Variants in KATNIP observed in about 807,000 individuals in gnomAD.
KATNIP encodes the protein katanin-interacting protein.
KATNIP carries 126 observed loss-of-function variants against 174.0 expected under a neutral mutation model. The ratio of observed to expected loss-of-function variants is 0.72; its 90% CI spans 0.63 to 0.84. The LOEUF is 0.84. Among genes scored for constraint, KATNIP ranks in the 40% least tolerant of loss-of-function variants. The pLI is 0.00. For synonymous variants in KATNIP, 810 were observed against 835.7 expected (o/e 0.97, Z 0.53); for missense variants, 1,958 against 2,109.7 (o/e 0.93, Z 1.41).
At chr16:27,590,425 G>A (rs902329435) in intron 2 of KATNIP, among the ~76,000 whole-genome samples, 2 of 150,862 alleles carry the variant, frequency 1.3e-5, no homozygotes, top group Admixed American at 6.6e-5. Context: ...TTCCTGCCTC[G>A]GCCTCCCAAG....
At chr16:27,677,632 G>T in intron 6 of KATNIP, 97 bp from the exon 7 acceptor site, 1 of 1,230,692 alleles carries the variant, frequency 8.1e-7, no homozygotes. Flanking sequence ...ATGTTAGTTT[G>T]GGGAGAATAA....
At chr16:27,698,916 C>A (rs2079005933) in intron 9 of KATNIP, among the ~76,000 whole-genome samples, 1 of 152,210 alleles carries the variant, frequency 6.6e-6, no homozygotes, top group African/African-American at 2.4e-5. Context: ...ATTGTCCTGC[C>A]CCTGGCCCAC....
At chr16:27,757,409 C>A in intron 18 of KATNIP, 1 of 759,130 alleles carries the variant, frequency 1.3e-6, no homozygotes, top group Non-Finnish European at 1.6e-6. Flanking sequence ...CAGAGCGGGT[C>A]AGAGTGTGGT....
intron 2 of KATNIP, among the ~76,000 whole-genome samples, chr16:27,615,179 A>G (rs897033046): frequency 2.8e-4 from 42 of 152,132 alleles, no homozygotes; most frequent in African/African-American, 1.0e-3. Flanking sequence ...CCCAGGCTGC[A>G]GTGCAGTGGT....
At chr16:27,752,307 TA>T (rs1201435176) in intron 17 of KATNIP, among the ~76,000 whole-genome samples, 3 of 152,266 alleles carry the variant, frequency 2.0e-5, no homozygotes, top group East Asian at 1.9e-4. Flanking sequence ...GAGTTACAGT[TA>T]AAATAATGAT....
intron 14 of KATNIP, among the ~76,000 whole-genome samples, chr16:27,732,184 T>A (rs2080719548): frequency 6.6e-6 from 1 of 152,180 alleles, no homozygotes; most frequent in Non-Finnish European, 1.5e-5. Flanking sequence ...TCAGATCCCA[T>A]CCACGTTTGT....
chr16:27,632,503 C>CTGAG, intron 5 of KATNIP: 1 of 425,106 alleles, frequency 2.4e-6, no homozygotes, highest in South Asian at 1.6e-5. Context: ...TTAGCAGGAT[C>CTGAG]TGAGGGTGGA....
At position 27,761,854 on chromosome 16, in the gene KATNIP, A is replaced by G. The variant is rs572961103; in HGVS notation, c.3809+264A>G. Among the ~76,000 whole-genome samples, 167 of 152,294 alleles carry G rather than the reference A, an allele frequency of 1.1e-3. 2 individuals are homozygous for G. Among genetic ancestry groups the G allele is most frequent in the African/African-American group, 3.9e-3 (162 of 41,564 alleles). Reference sequence around the variant, plus strand: ...GGTTCCCATGCTTCCAGACACAGCCATGGTCTGCATTTTCTTCTCTGTGCT... The same window carrying G: ...GGTTCCCATGCTTCCAGACACAGCCGTGGTCTGCATTTTCTTCTCTGTGCT... On this transcript the variant is annotated intron_variant, in intron 19 of 27. Transcript: ENST00000261588.
chr16:27,636,006 A>G (rs988232075), intron 5 of KATNIP, among the ~76,000 whole-genome samples: 5 of 152,112 alleles, frequency 3.3e-5, no homozygotes, highest in African/African-American at 1.2e-4. Flanking sequence ...TAAAAAAATT[A>G]GCCAGGCATA....
chr16:27,601,243 T>C (rs2075514068), intron 2 of KATNIP, among the ~76,000 whole-genome samples: 1 of 152,150 alleles, frequency 6.6e-6, no homozygotes, highest in Non-Finnish European at 1.5e-5. Context: ...GCTCGCATTG[T>C]CCCTGCTCTC....
At chr16:27,752,256 G>A (rs1290266809) in intron 17 of KATNIP, among the ~76,000 whole-genome samples, 1 of 152,118 alleles carries the variant, frequency 6.6e-6, no homozygotes, top group Non-Finnish European at 1.5e-5. Flanking sequence ...ATCATTCACT[G>A]TTGTTTTTGA....
intron 1 of KATNIP, among the ~76,000 whole-genome samples, chr16:27,551,931 A>C (rs2089394687): frequency 6.6e-6 from 1 of 152,152 alleles, no homozygotes; most frequent in East Asian, 1.9e-4. Flanking sequence ...GGCCATGTGC[A>C]GTGCCTCACA....
intron 12 of KATNIP, among the ~76,000 whole-genome samples, chr16:27,705,436 A>G (rs539499766): frequency 6.6e-6 from 1 of 152,236 alleles, no homozygotes; most frequent in East Asian, 1.9e-4. Flanking sequence ...TGAATCTGGC[A>G]CCATCATTGA....
At chr16:27,612,587 C>T (rs928862081) in intron 2 of KATNIP, among the ~76,000 whole-genome samples, 11 of 151,810 alleles carry the variant, frequency 7.2e-5, no homozygotes, top group South Asian at 2.1e-4. Context: ...GGTGAAACCC[C>T]GTCTCTAGTA....
At chr16:27,586,808 G>C (rs1336070558) in intron 2 of KATNIP, among the ~76,000 whole-genome samples, 3 of 143,646 alleles carry the variant, frequency 2.1e-5, no homozygotes, top group Non-Finnish European at 4.5e-5. Flanking sequence ...CAGCCTGGGT[G>C]ACAAAGTGAG....
At chr16:27,699,146 C>T (rs1344382443) in intron 9 of KATNIP, among the ~76,000 whole-genome samples, 1 of 152,208 alleles carries the variant, frequency 6.6e-6, no homozygotes, top group Non-Finnish European at 1.5e-5. Flanking sequence ...CCCCGATGCT[C>T]AGAGTAGCCC....
intron 8 of KATNIP, among the ~76,000 whole-genome samples, chr16:27,691,167 G>T (rs1219208337): frequency 6.6e-6 from 1 of 152,118 alleles, no homozygotes; most frequent in Non-Finnish European, 1.5e-5. Flanking sequence ...CTCTGAATTT[G>T]AGCTTTTCAA....
intron 2 of KATNIP, among the ~76,000 whole-genome samples, chr16:27,578,096 T>A (rs1410843440): frequency 6.6e-6 from 1 of 152,178 alleles, no homozygotes; most frequent in African/African-American, 2.4e-5. Context: ...GGCATCAGAA[T>A]TTTTTAATCC....
At chr16:27,610,171 C>T (rs1243844512) in intron 2 of KATNIP, among the ~76,000 whole-genome samples, 1 of 152,154 alleles carries the variant, frequency 6.6e-6, no homozygotes, top group Non-Finnish European at 1.5e-5. Flanking sequence ...CATGATTCCA[C>T]TCACCTCTCA....
Sources: allele counts gnomAD v4.1 joint callset (sites outside exome capture counted in the v4.1 genomes callset), GRCh38; gene constraint gnomAD v4.1.1; transcripts MANE v1.5; gene names NCBI Gene and HGNC (gene_info 2026-07-23, HGNC 2026-07-21).